The following TDRP variants were observed in gnomAD, a reference collection of about 807,000 sequenced individuals.
TDRP encodes the protein testis development-related protein.
A neutral mutation model predicts 10.5 loss-of-function variants in TDRP; 12 were observed. That is an observed-to-expected ratio of 1.15 (90% CI 0.73 to 1.86). The LOEUF (loss-of-function observed/expected upper bound fraction) is 1.86, where lower values mean the gene tolerates loss of function less well. TDRP is among the 40% of genes most tolerant of loss of function. TDRP has a pLI of 0.00. For synonymous variants in TDRP, 139 were observed against 95.4 expected, an observed-to-expected ratio of 1.46 and a Z score of -2.67; for missense variants, 353 against 229.2, an observed-to-expected ratio of 1.54 and a Z score of -3.49.
intron 1 of TDRP, among the ~76,000 whole-genome samples, chr8:533,537 C>G (rs544554874): frequency 2.6e-5 from 4 of 152,332 alleles, no homozygotes; most frequent in Non-Finnish European, 5.9e-5. Context: ...CATTTCACAG[C>G]TGACCTCCCT....
intron 1 of TDRP, among the ~76,000 whole-genome samples, chr8:519,658 C>T (rs896988710): frequency 2.0e-5 from 3 of 152,076 alleles, no homozygotes; most frequent in African/African-American, 4.8e-5. Flanking sequence ...GGGTTGCTCA[C>T]TGCTTGTAAA....
At chr8:498,643 G>A (rs28553997) in intron 1 of TDRP, among the ~76,000 whole-genome samples, 25,182 of 152,148 alleles carry the variant, frequency 0.17, 2,221 homozygotes, top group East Asian at 0.26. Context: ...GGATTGTTGG[G>A]AAGGCATGAC....
At chr8:544,250 C>A (rs1802576392) in intron 1 of TDRP, among the ~76,000 whole-genome samples, 1 of 152,088 alleles carries the variant, frequency 6.6e-6, no homozygotes, top group South Asian at 2.1e-4. Flanking sequence ...ACGCGAGCAC[C>A]CGGCGTGGAC....
At chr8:512,702 A>T (rs1801651588) in intron 1 of TDRP, among the ~76,000 whole-genome samples, 1 of 152,174 alleles carries the variant, frequency 6.6e-6, no homozygotes, top group Non-Finnish European at 1.5e-5. Flanking sequence ...GACCAGGTGC[A>T]GTGGTCTCAT....
rs143807334 is a variant in TDRP, at chr8:517,842, G to T, written c.109-23245C>A. Among the ~76,000 whole-genome samples the T allele has an allele frequency of 3.0e-3, 451 of 152,264 alleles. 1 individual carries two copies. The highest frequency in any genetic ancestry group is 0.01 in the African/African-American group (433 of 41,550). ...TGCCAACAAATACATCTTACTAAGT[G>T]AAAGAAGCCAATCTGAAAAGGCTAC... On this transcript the variant is annotated intron_variant, in intron 1 of 2. Transcript: ENST00000324079.
chr8:536,012 G>T (rs545397051), intron 1 of TDRP, among the ~76,000 whole-genome samples: 313 of 152,288 alleles, frequency 2.1e-3, no homozygotes, highest in South Asian at 6.6e-3. Flanking sequence ...TCTAAGTCAT[G>T]CCACCTTAAG....
chr8:535,638 G>A (rs1403088633), intron 1 of TDRP, among the ~76,000 whole-genome samples: 1 of 152,042 alleles, frequency 6.6e-6, no homozygotes, highest in Non-Finnish European at 1.5e-5. Flanking sequence ...AAGCCAAGTC[G>A]CCCATTCCTC....
intron 1 of TDRP, among the ~76,000 whole-genome samples, chr8:497,563 A>C (rs895496443): frequency 8.5e-5 from 13 of 152,222 alleles, no homozygotes; most frequent in East Asian, 1.9e-4. Flanking sequence ...AGAGCATACA[A>C]GTTTGGAAAA....
chr8:497,873 C>T (rs1801177744), intron 1 of TDRP, among the ~76,000 whole-genome samples: 1 of 152,126 alleles, frequency 6.6e-6, no homozygotes, highest in South Asian at 2.1e-4. Flanking sequence ...CTAAATGGGG[C>T]CAAGGTATAG....
At chr8:523,433 A>G (rs892904431) in intron 1 of TDRP, among the ~76,000 whole-genome samples, 5 of 152,134 alleles carry the variant, frequency 3.3e-5, no homozygotes, top group African/African-American at 9.7e-5. Flanking sequence ...CACCTTTATA[A>G]GAACTAAAAA....
intron 1 of TDRP, among the ~76,000 whole-genome samples, chr8:511,655 G>A (rs564207070): frequency 6.6e-6 from 1 of 152,270 alleles, no homozygotes; most frequent in South Asian, 2.1e-4. Flanking sequence ...CTTCTCAAGT[G>A]CAAACAGATC....
intron 1 of TDRP, among the ~76,000 whole-genome samples, chr8:528,800 T>A (rs914143062): frequency 6.6e-6 from 1 of 152,164 alleles, no homozygotes; most frequent in Non-Finnish European, 1.5e-5. Context: ...TTTATTTATA[T>A]ATAACTATGT....
At chr8:509,482 G>C (rs947235030) in intron 1 of TDRP, among the ~76,000 whole-genome samples, 1 of 152,200 alleles carries the variant, frequency 6.6e-6, no homozygotes, top group Non-Finnish European at 1.5e-5. Context: ...AGCAGCCAAG[G>C]ATTGGGGCTT....
At chr8:517,977 A>G (rs933199622) in intron 1 of TDRP, among the ~76,000 whole-genome samples, 7 of 152,314 alleles carry the variant, frequency 4.6e-5, no homozygotes, top group Admixed American at 3.9e-4. Flanking sequence ...GAAAAGGTGG[A>G]GCACAGTGGA....
intron 1 of TDRP, among the ~76,000 whole-genome samples, chr8:525,702 A>C (rs1802017854): frequency 6.6e-6 from 1 of 152,200 alleles, no homozygotes; most frequent in Non-Finnish European, 1.5e-5. Flanking sequence ...TACACAAAAA[A>C]TAAAAAGAAA....
intron 1 of TDRP, among the ~76,000 whole-genome samples, chr8:506,555 C>G (rs776255172): frequency 2.6e-5 from 4 of 152,210 alleles, no homozygotes; most frequent in African/African-American, 4.8e-5. Context: ...ATGTGCTGCA[C>G]TGCAAACAGT....
chr8:498,287 T>C (rs1348605887), intron 1 of TDRP, among the ~76,000 whole-genome samples: 2 of 152,160 alleles, frequency 1.3e-5, no homozygotes, highest in Non-Finnish European at 2.9e-5. Context: ...ACAGGGTCTG[T>C]GGAGATGCCC....
At chr8:522,651 C>T (rs370899754) in intron 1 of TDRP, among the ~76,000 whole-genome samples, 1 of 152,190 alleles carries the variant, frequency 6.6e-6, no homozygotes, top group African/African-American at 2.4e-5. Context: ...TAAAAGGTAG[C>T]TTGACTCTTT....
chr8:532,551 C>T (rs1394163349), intron 1 of TDRP, among the ~76,000 whole-genome samples: 1 of 152,136 alleles, frequency 6.6e-6, no homozygotes, highest in East Asian at 1.9e-4. Context: ...GGATAAGGAC[C>T]AAATAAGACC....
Sources: allele counts gnomAD v4.1 joint callset (sites outside exome capture counted in the v4.1 genomes callset), GRCh38; gene constraint gnomAD v4.1.1; transcripts MANE v1.5; gene names NCBI Gene and HGNC (gene_info 2026-07-23, HGNC 2026-07-21).